TMEM244: variants seen among roughly 807,000 people sequenced by gnomAD.
TMEM244 encodes the protein transmembrane protein 244.
A neutral mutation model predicts 15.8 loss-of-function variants in TMEM244; 13 were observed. The observed-to-expected ratio is 0.82, with a 90% CI of 0.53 to 1.30. The LOEUF (loss-of-function observed/expected upper bound fraction) is 1.30, where lower values mean the gene tolerates loss of function less well. TMEM244 is among the 50% of genes most tolerant of loss of function. TMEM244 has a pLI of 0.00. For missense variants in TMEM244, 161 were observed against 144.9 expected (o/e 1.11, Z -0.57); for synonymous variants, 45 against 48.7 (o/e 0.92, Z 0.32).
At chr6:129,843,714 C>G in intron 2 of TMEM244, 111 bp from the exon 3 acceptor site, 4 of 643,872 alleles carry the variant, frequency 6.2e-6, no homozygotes, top group Admixed American at 2.6e-5. Flanking sequence ...TGCGATTCAC[C>G]CACATTGTGG....
In TMEM244 at chr6:129,840,892, T is replaced by G. The variant is rs1255060084; in HGVS notation, c.193+2638A>C. Reference sequence around the variant, plus strand: ...CAATGAGATACCATCTCATGCCAGTTAGAATGGCGATCATTAAAAAGTCAG... The same window carrying G: ...CAATGAGATACCATCTCATGCCAGTGAGAATGGCGATCATTAAAAAGTCAG... On this transcript the variant is annotated intron_variant, in intron 3 of 4. Transcript: ENST00000368143. Among the ~76,000 whole-genome samples, 3 of 152,162 alleles carry G rather than the reference T, an allele frequency of 2.0e-5. No homozygotes were observed. The East Asian group carries it at 5.8e-4, about 29-fold the overall frequency.
At chr6:129,852,051 C>T (rs1318022495) in intron 1 of TMEM244, among the ~76,000 whole-genome samples, 1 of 151,952 alleles carries the variant, frequency 6.6e-6, no homozygotes, top group East Asian at 1.9e-4. Context: ...GACATATTTG[C>T]AGTTGAAATA....
chr6:129,853,812 T>C (rs556837741), intron 1 of TMEM244, among the ~76,000 whole-genome samples: 1 of 152,176 alleles, frequency 6.6e-6, no homozygotes, highest in Non-Finnish European at 1.5e-5. Flanking sequence ...AATATGAGCA[T>C]GTGCACGTGG....
intron 1 of TMEM244, among the ~76,000 whole-genome samples, chr6:129,851,315 C>A (rs1332835703): frequency 2.0e-5 from 3 of 152,104 alleles, no homozygotes; most frequent in African/African-American, 7.2e-5. Flanking sequence ...GTCGCCTGGG[C>A]TGGAGTGCCA....
At chr6:129,834,492 T>C (rs1360964120) in intron 3 of TMEM244, among the ~76,000 whole-genome samples, 2 of 152,176 alleles carry the variant, frequency 1.3e-5, no homozygotes, top group African/African-American at 2.4e-5. Context: ...GCAAACTCTA[T>C]ATTTTTCAAA....
At chr6:129,832,229 C>G (rs933199209) in intron 4 of TMEM244, among the ~76,000 whole-genome samples, 2 of 151,606 alleles carry the variant, frequency 1.3e-5, no homozygotes, top group East Asian at 3.9e-4. Context: ...TCCCAAGTAG[C>G]TGGGATTACA....
intron 3 of TMEM244, 96 bp downstream of exon 3, chr6:129,843,434 A>C: frequency 1.7e-5 from 12 of 725,568 alleles, no homozygotes; most frequent in African/African-American, 1.8e-5. Flanking sequence ...TGACTGCGAG[A>C]CAGGCCTGAT....
intron 1 of TMEM244, among the ~76,000 whole-genome samples, chr6:129,860,419 T>C (rs1776787095): frequency 1.3e-5 from 2 of 152,094 alleles, no homozygotes. Flanking sequence ...ACTGATGACA[T>C]ATGTGGTGAT....
chr6:129,857,132 T>G (rs1776723516), intron 1 of TMEM244, among the ~76,000 whole-genome samples: 2 of 152,058 alleles, frequency 1.3e-5, no homozygotes, highest in African/African-American at 4.8e-5. Flanking sequence ...TCTATTACCT[T>G]ACTAATTTTT....
chr6:129,859,586 G>A (rs191053586), intron 1 of TMEM244, among the ~76,000 whole-genome samples: 12 of 152,312 alleles, frequency 7.9e-5, no homozygotes, highest in South Asian at 2.1e-4. Context: ...GAAACATGCC[G>A]TCTACTGGAG....
chr6:129,831,321 AAAC>A lies in TMEM244; in HGVS notation c.382_384del (p.Val128del). ...ATTATTTCTGTGCATTAGAGAATCT[AAAC>A]AAGCAATTTTGATATACCTAAAGCA... is the stretch of plus-strand genomic sequence containing the variant. On this transcript the variant is annotated inframe_deletion, in exon 5 of 5. Transcript: ENST00000368143. 1 of 1,537,154 alleles carries A rather than the reference AAAC, an allele frequency of 6.5e-7. No homozygotes were observed. The highest frequency in any genetic ancestry group is 9.0e-7 in the Non-Finnish European group (1 of 1,110,086).
chr6:129,848,488 G>A (rs1220993898), intron 1 of TMEM244, among the ~76,000 whole-genome samples: 1 of 152,152 alleles, frequency 6.6e-6, no homozygotes, highest in Non-Finnish European at 1.5e-5. Flanking sequence ...CTATTAGCAG[G>A]GAAGAAGGAG....
chr6:129,854,663 C>T (rs1187726832), intron 1 of TMEM244, among the ~76,000 whole-genome samples: 2 of 152,116 alleles, frequency 1.3e-5, no homozygotes, highest in African/African-American at 2.4e-5. Flanking sequence ...GAAAGAGGTA[C>T]AATTGTATAT....
At chr6:129,840,690 C>T (rs1776477771) in intron 3 of TMEM244, among the ~76,000 whole-genome samples, 1 of 152,022 alleles carries the variant, frequency 6.6e-6, no homozygotes, top group Admixed American at 6.5e-5. Context: ...TCTGACAAGG[C>T]TAATATCCAG....
chr6:129,858,542 T>C (rs1776750816), intron 1 of TMEM244, among the ~76,000 whole-genome samples: 1 of 152,148 alleles, frequency 6.6e-6, no homozygotes, highest in African/African-American at 2.4e-5. Flanking sequence ...CTCTATCTTA[T>C]TTTAATTGCT....
chr6:129,843,909 C>T (rs147092073), intron 2 of TMEM244, among the ~76,000 whole-genome samples: 3 of 152,230 alleles, frequency 2.0e-5, no homozygotes, highest in South Asian at 4.1e-4. Context: ...GACAAGGCAA[C>T]GTCTAGTTAC....
intron 1 of TMEM244, among the ~76,000 whole-genome samples, chr6:129,852,501 G>A (rs1776648577): frequency 6.6e-6 from 1 of 152,134 alleles, no homozygotes; most frequent in South Asian, 2.1e-4. Context: ...CTGGGGTCAA[G>A]GACATAGTTT....
chr6:129,839,478 A>G (rs1471505678), intron 3 of TMEM244, among the ~76,000 whole-genome samples: 1 of 152,230 alleles, frequency 6.6e-6, no homozygotes, highest in African/African-American at 2.4e-5. Flanking sequence ...TGTCATACTG[A>G]ATGGGCAAAA....
intron 1 of TMEM244, among the ~76,000 whole-genome samples, chr6:129,856,200 A>G (rs1363305707): frequency 1.3e-5 from 2 of 152,152 alleles, no homozygotes; most frequent in Non-Finnish European, 2.9e-5. Flanking sequence ...AGCACCTACC[A>G]GATACTGCCT....
Sources: allele counts gnomAD v4.1 joint callset (sites outside exome capture counted in the v4.1 genomes callset), GRCh38; gene constraint gnomAD v4.1.1; transcripts MANE v1.5; gene names NCBI Gene and HGNC (gene_info 2026-07-23, HGNC 2026-07-21).